The following SPATS2 variants were observed in gnomAD, a reference collection of about 807,000 sequenced individuals.
SPATS2 encodes spermatogenesis-associated serine-rich protein 2.
In SPATS2, 38 loss-of-function variants were observed where a neutral mutation model predicts 63.7. That is an observed-to-expected ratio of 0.60 (90% CI 0.46 to 0.78). The LOEUF (loss-of-function observed/expected upper bound fraction) is 0.78. Ranked by LOEUF, SPATS2 falls within the 30% of genes least tolerant of loss-of-function variation. The pLI is 0.00. For missense variants in SPATS2, 588 were observed against 666.2 expected, an observed-to-expected ratio of 0.88 and a Z score of 1.29; for synonymous variants, 207 against 232.9, an observed-to-expected ratio of 0.89 and a Z score of 1.01.
intron 8 of SPATS2, among the ~76,000 whole-genome samples, chr12:49,498,748 C>T (rs1392105686): frequency 6.9e-6 from 1 of 144,094 alleles, no homozygotes; most frequent in African/African-American, 2.5e-5. Flanking sequence ...CTCTTCTTAC[C>T]ACGCTTATGC....
At chr12:49,384,366 AT>A (rs2137206084) in intron 2 of SPATS2, among the ~76,000 whole-genome samples, 2 of 152,328 alleles carry the variant, frequency 1.3e-5, no homozygotes, top group East Asian at 3.9e-4. Flanking sequence ...TAATATGCTT[AT>A]TGTACAACAT....
intron 3 of SPATS2, 33 bp from the exon 4 acceptor site, chr12:49,484,557 C>T (rs200109234): frequency 1.0e-4 from 165 of 1,596,270 alleles, no homozygotes; most frequent in Non-Finnish European, 1.4e-4. Context: ...ATATTTGGAT[C>T]ATGTTGAATA....
rs10687716 is a variant in SPATS2, at chr12:49,374,958, CAAAAAA to C, written c.-244+3690_-244+3695del. On this transcript the variant is annotated intron_variant, in intron 2 of 13. Coordinates refer to ENST00000552918, the MANE Select transcript of SPATS2 (RefSeq NM_023071.4). ...CCTGGGAAACAGCGAGGATCTGTCT[CAAAAAA>C]AAAAAAAAAAAAAAAAAAAAAGGCA... 1.6e-4 allele frequency among the ~76,000 whole-genome samples: 4 copies of C among 24,738 alleles called. 1 individual carries two copies. Among genetic ancestry groups the C allele is most frequent in the African/African-American group, 2.6e-4 (2 of 7,628 alleles). The allele number at this position is 24,738 out of a possible 152,430, so 16.2% of individuals were successfully genotyped here.
chr12:49,472,989 G>GC lies in SPATS2; in HGVS notation c.26-11600dup, dbSNP rs1434488037. On this transcript the variant is annotated intron_variant, in intron 3 of 13. Transcript: ENST00000552918. ...TGCTTGAGCCCGGGTAGTCGAGGCT[G>GC]CAGTGAGCCATGATTATGTCACTGC... 3.3e-5 allele frequency among the ~76,000 whole-genome samples: 5 copies of GC among 150,882 alleles called. 1 individual carries two copies. Among genetic ancestry groups the GC allele is most frequent in the Admixed American group, 3.3e-4 (5 of 15,118 alleles).
intron 2 of SPATS2, chr12:49,389,410 G>T (rs1164705167): frequency 2.4e-5 from 14 of 587,746 alleles, no homozygotes; most frequent in Non-Finnish European, 4.3e-5. Flanking sequence ...TTAGGGGCGC[G>T]GAGTCTCTTC....
At chr12:49,456,071 G>T (rs1392472005) in intron 2 of SPATS2, among the ~76,000 whole-genome samples, 2 of 152,126 alleles carry the variant, frequency 1.3e-5, no homozygotes, top group Non-Finnish European at 2.9e-5. Flanking sequence ...CTGCCTGCCT[G>T]TGGGTATGGG....
At chr12:49,444,682 C>G (rs1945480759) in intron 2 of SPATS2, among the ~76,000 whole-genome samples, 1 of 152,044 alleles carries the variant, frequency 6.6e-6, no homozygotes, top group Non-Finnish European at 1.5e-5. Context: ...CGGCTCACTG[C>G]AACCTCTGCC....
chr12:49,517,674 A>G (rs1946872787), intron 10 of SPATS2, among the ~76,000 whole-genome samples: 1 of 152,144 alleles, frequency 6.6e-6, no homozygotes, highest in Admixed American at 6.5e-5. Flanking sequence ...ACAACTCCCT[A>G]GGCTCCAGTC....
intron 2 of SPATS2, chr12:49,389,812 T>C: frequency 1.0e-6 from 1 of 981,524 alleles, no homozygotes; most frequent in Non-Finnish European, 1.7e-6. Context: ...GCCTTGGAAC[T>C]TACGATGAGC....
intron 2 of SPATS2, among the ~76,000 whole-genome samples, chr12:49,454,607 G>T (rs1945685960): frequency 6.6e-6 from 1 of 152,202 alleles, no homozygotes; most frequent in Non-Finnish European, 1.5e-5. Flanking sequence ...TATGGATCAG[G>T]CGTGGTGGCT....
chr12:49,396,349 C>G (rs1457226351), intron 2 of SPATS2, among the ~76,000 whole-genome samples: 2 of 152,176 alleles, frequency 1.3e-5, no homozygotes. Context: ...TTTAGCATCT[C>G]CTTGTCTTCA....
rs12315713 is a variant in SPATS2 at position 49,506,804 on chromosome 12, A to G, written c.839+6599A>G. Among the ~76,000 whole-genome samples, 662 of 151,788 alleles carry G rather than the reference A, an allele frequency of 4.4e-3. 1 individual carries two copies. The highest frequency in any genetic ancestry group is 0.015 in the African/African-American group (641 of 41,390). ...GCCATGATCTTGCCACTGTACTCCCACGCTGGGTGACAGAGCAAGACCCTG... is the reference window on the plus strand; with the variant it reads ...GCCATGATCTTGCCACTGTACTCCCGCGCTGGGTGACAGAGCAAGACCCTG... On this transcript the variant is annotated intron_variant, in intron 9 of 13. Coordinates refer to ENST00000552918, the MANE Select transcript of SPATS2 (RefSeq NM_023071.4).
chr12:49,446,405 C>T (rs1471365750), intron 2 of SPATS2, among the ~76,000 whole-genome samples: 1 of 152,184 alleles, frequency 6.6e-6, no homozygotes, highest in Non-Finnish European at 1.5e-5. Flanking sequence ...GAAACCAAGG[C>T]AAGGCTTTGT....
At position 49,367,502 on chromosome 12, in the gene SPATS2, C is replaced by T. The variant is rs959730930; in HGVS notation, c.-392C>T. 3 of 398,736 alleles carry T rather than the reference C, an allele frequency of 7.5e-6. No homozygotes were observed. Among genetic ancestry groups the T allele is most frequent in the Non-Finnish European group, 4.4e-6 (1 of 226,604 alleles). 24.7% of individuals were successfully genotyped at this position (398,736 alleles called of 1,614,324 possible). On this transcript the variant is annotated 5_prime_UTR_variant, in exon 1 of 14. Transcript: ENST00000552918. The stretch of plus-strand genomic sequence containing the variant: ...GGCTCTAGAAGGGGAGGTGGAGGAT[C>T]TCCTTTCCTCTTCTCAGACCCGGGA...
intron 3 of SPATS2, among the ~76,000 whole-genome samples, chr12:49,466,961 A>C (rs746468487): frequency 6.6e-5 from 10 of 151,190 alleles, no homozygotes; most frequent in Middle Eastern, 6.9e-3. Flanking sequence ...TTTAGATCTT[A>C]ATTTCTCTCA....
At chr12:49,470,573 G>A (rs191445825) in intron 3 of SPATS2, among the ~76,000 whole-genome samples, 2 of 152,236 alleles carry the variant, frequency 1.3e-5, no homozygotes, top group East Asian at 1.9e-4. Flanking sequence ...ATATAACTTA[G>A]GAGCAGTTCA....
rs5798108 is a variant in SPATS2, at chr12:49,514,154, C to CA, written c.840-385dup. 5.1e-3 allele frequency among the ~76,000 whole-genome samples: 595 copies of CA among 117,572 alleles called. 2 individuals are homozygous for CA. Among genetic ancestry groups the CA allele is most frequent in the African/African-American group, 0.012 (427 of 35,940 alleles). The allele number at this position is 117,572 out of a possible 152,430, so 77.1% of individuals were successfully genotyped here. ...CCTAGGAGACAGCGAGACTCCGTCTCAAAAAAAAAAAAAAAAGTATGTGAG... is the reference window on the plus strand; with the variant it reads ...CCTAGGAGACAGCGAGACTCCGTCTCAAAAAAAAAAAAAAAAAGTATGTGAG... On this transcript the variant is annotated intron_variant, in intron 9 of 13. Transcript: ENST00000552918.
At chr12:49,380,210 A>G (rs908849012) in intron 2 of SPATS2, among the ~76,000 whole-genome samples, 2 of 141,130 alleles carry the variant, frequency 1.4e-5, no homozygotes, top group Non-Finnish European at 3.0e-5. Context: ...TCTGTTGACC[A>G]GGCTGGAGTG....
Position 49,453,956 on chromosome 12 carries a change from A to G in SPATS2, c.-243-6814A>G, listed in dbSNP as rs369541398. Among the ~76,000 whole-genome samples the G allele has an allele frequency of 5.1e-4, 67 of 130,694 alleles. No homozygotes were observed. The South Asian group carries it at 0.013, about 24-fold the overall frequency. The allele number at this position is 130,694 out of a possible 152,430, so 85.7% of individuals were successfully genotyped here. ...CAGCTCACTGCAAGCTCCACCTCCC[A>G]GGTTCACACCATTCTCCTGCCTCAG... On this transcript the variant is annotated intron_variant, in intron 2 of 13. Transcript: ENST00000552918.
Sources: allele counts gnomAD v4.1 joint callset (sites outside exome capture counted in the v4.1 genomes callset), GRCh38; gene constraint gnomAD v4.1.1; transcripts MANE v1.5; gene names NCBI Gene and HGNC (gene_info 2026-07-23, HGNC 2026-07-21).